HTR2A: variants seen among roughly 807,000 people sequenced by gnomAD.
HTR2A encodes 5-HT2 receptor.
Under a neutral mutation model 31.0 loss-of-function variants are expected in HTR2A, and 14 were observed. The ratio of observed to expected loss-of-function variants is 0.45; its 90% CI spans 0.30 to 0.71. HTR2A has a LOEUF of 0.71. HTR2A is among the 30% of genes least tolerant of loss of function. The pLI, the probability that HTR2A is intolerant of heterozygous loss-of-function variation, is 0.09. For synonymous variants in HTR2A, 209 were observed against 225.2 expected (o/e 0.93, Z 0.64); for missense variants, 442 against 573.3 (o/e 0.77, Z 2.34).
At chr13:46,866,252 A>G (rs1004303586) in intron 3 of HTR2A, among the ~76,000 whole-genome samples, 4 of 152,154 alleles carry the variant, frequency 2.6e-5, no homozygotes, top group African/African-American at 9.7e-5. Flanking sequence ...AGACTCAGTT[A>G]GATTAAGCAA....
At chr13:46,868,546 T>C (rs1002538594) in intron 3 of HTR2A, among the ~76,000 whole-genome samples, 2 of 152,206 alleles carry the variant, frequency 1.3e-5, no homozygotes, top group African/African-American at 4.8e-5. Flanking sequence ...AATTAGGGAA[T>C]TAGCACTCTT....
intron 3 of HTR2A, among the ~76,000 whole-genome samples, chr13:46,855,517 G>C (rs968616778): frequency 1.4e-5 from 2 of 146,624 alleles, no homozygotes; most frequent in South Asian, 2.1e-4. Flanking sequence ...CTCTCAACTG[G>C]GGGGGTACAC....
At chr13:46,866,568 C>A (rs1950819892) in intron 3 of HTR2A, among the ~76,000 whole-genome samples, 1 of 152,226 alleles carries the variant, frequency 6.6e-6, no homozygotes, top group Non-Finnish European at 1.5e-5. Context: ...TTGAAACTTA[C>A]TTTTCTCATT....
chr13:46,863,391 G>C (rs1239268752), intron 3 of HTR2A, among the ~76,000 whole-genome samples: 1 of 152,042 alleles, frequency 6.6e-6, no homozygotes, highest in East Asian at 1.9e-4. Context: ...GGAAGGCTGA[G>C]GTGGAAGGAT....
chr13:46,884,881 A>C (rs1220683464), intron 3 of HTR2A, among the ~76,000 whole-genome samples: 1 of 152,080 alleles, frequency 6.6e-6, no homozygotes, highest in Non-Finnish European at 1.5e-5. Flanking sequence ...GTTTACCAGA[A>C]TGAGCTCACA....
At chr13:46,878,009 C>A (rs1950928946) in intron 3 of HTR2A, among the ~76,000 whole-genome samples, 1 of 152,052 alleles carries the variant, frequency 6.6e-6, no homozygotes, top group South Asian at 2.1e-4. Context: ...AGGTATGGAC[C>A]AGGTCCATAT....
intron 3 of HTR2A, among the ~76,000 whole-genome samples, chr13:46,843,030 C>T (rs1030244016): frequency 1.3e-5 from 2 of 152,218 alleles, no homozygotes; most frequent in African/African-American, 2.4e-5. Context: ...TACTCCACCC[C>T]ACCTGGGATG....
rs1489066440 is a variant in HTR2A, at chr13:46,896,028, C to A, written c.-122G>T. The A allele has an allele frequency of 7.0e-7, 1 of 1,434,602 alleles. No homozygotes were observed. Among genetic ancestry groups the A allele is most frequent in the East Asian group, 2.5e-5 (1 of 40,564 alleles). 88.9% of individuals were successfully genotyped at this position (1,434,602 alleles called of 1,614,324 possible). A position where few individuals can be genotyped will look rare whatever the true frequency, so the allele number is the denominator to read the frequency against. Reference sequence around the variant, plus strand: ...CTGAGGCTGGTGTACATGCTGTTCTCCCGGGGCTGGATTTTTGTCTTCCAT... The same window carrying A: ...CTGAGGCTGGTGTACATGCTGTTCTACCGGGGCTGGATTTTTGTCTTCCAT... On this transcript the variant is annotated 5_prime_UTR_variant, in exon 2 of 4. Coordinates refer to ENST00000542664, the MANE Select transcript of HTR2A (RefSeq NM_000621.5).
intron 3 of HTR2A, among the ~76,000 whole-genome samples, chr13:46,864,004 C>A (rs900251923): frequency 1.3e-5 from 2 of 152,044 alleles, no homozygotes; most frequent in Non-Finnish European, 2.9e-5. Context: ...ATAGCAGAGA[C>A]ATGGAAACAA....
intron 3 of HTR2A, among the ~76,000 whole-genome samples, chr13:46,846,930 C>G (rs987449862): frequency 6.6e-6 from 1 of 152,234 alleles, no homozygotes; most frequent in Admixed American, 6.5e-5. Context: ...TTCAGTCATG[C>G]AAGCCCTGGA....
chr13:46,836,137 A>C (rs997976092), intron 3 of HTR2A, among the ~76,000 whole-genome samples: 3 of 151,896 alleles, frequency 2.0e-5, no homozygotes, highest in Non-Finnish European at 4.4e-5. Context: ...CCATGTGCAC[A>C]CATTTTAAAA....
chr13:46,836,745 C>T (rs1876465125), intron 3 of HTR2A, among the ~76,000 whole-genome samples: 2 of 152,108 alleles, frequency 1.3e-5, no homozygotes, highest in South Asian at 4.1e-4. Flanking sequence ...TCCTAGACAT[C>T]ATGTCATTCA....
At chr13:46,883,789 C>T (rs1950985341) in intron 3 of HTR2A, among the ~76,000 whole-genome samples, 1 of 152,170 alleles carries the variant, frequency 6.6e-6, no homozygotes, top group African/African-American at 2.4e-5. Context: ...TCTCTCTCCA[C>T]CCCGCAGGAT....
chr13:46,859,496 A>G (rs1262296807), intron 3 of HTR2A, among the ~76,000 whole-genome samples: 2 of 152,076 alleles, frequency 1.3e-5, no homozygotes, highest in South Asian at 2.1e-4. Context: ...ATAATCTCCA[A>G]TGTGGAGGTG....
At position 46,896,807 on chromosome 13, in the gene HTR2A, C is replaced by G; in HGVS notation, c.-462G>C. 2 of 1,537,082 alleles carry G rather than the reference C, an allele frequency of 1.3e-6. No homozygotes were observed. Among genetic ancestry groups the G allele is most frequent in the Non-Finnish European group, 1.7e-6 (2 of 1,146,858 alleles). ...GCATAATATGATAGTAATTTGGTTT[C>G]TGTTTTGCTGACTTCAAAAACTGCA... On this transcript the variant is annotated 5_prime_UTR_variant, in exon 1 of 4. Coordinates refer to ENST00000542664, the MANE Select transcript of HTR2A (RefSeq NM_000621.5).
intron 3 of HTR2A, among the ~76,000 whole-genome samples, chr13:46,840,168 G>A (rs1950587193): frequency 6.6e-6 from 1 of 152,092 alleles, no homozygotes; most frequent in South Asian, 2.1e-4. Flanking sequence ...CAAGTTATAA[G>A]AACAAATTTA....
At chr13:46,839,391 T>A (rs975014043) in intron 3 of HTR2A, among the ~76,000 whole-genome samples, 1 of 152,124 alleles carries the variant, frequency 6.6e-6, no homozygotes, top group African/African-American at 2.4e-5. Context: ...TAGATAGGCT[T>A]TGTGGGTACA....
chr13:46,835,615 A>G lies in HTR2A; in HGVS notation c.638T>C (p.Phe213Ser). ...GACCTTCGAATCGTCCTGTAGCCCA[A>G]AGACTGGTATTGGCATGGATATACC... ...SVGISMPIPV[F>S]GLQDDSKVFK... Residue 213 changes from phenylalanine (F) to serine (S), a missense_variant, in exon 4 of 4, where the codon TTT (phenylalanine) becomes TCT (serine). Transcript: ENST00000542664. 1 of 1,613,538 alleles carries G rather than the reference A, an allele frequency of 6.2e-7. No individual in the cohort carries two copies. The highest frequency in any genetic ancestry group is 8.5e-7 in the Non-Finnish European group (1 of 1,179,662).
At chr13:46,841,614 A>C (rs1566300292) in intron 3 of HTR2A, among the ~76,000 whole-genome samples, 1 of 152,130 alleles carries the variant, frequency 6.6e-6, no homozygotes, top group Non-Finnish European at 1.5e-5. Context: ...GGATCTCTGT[A>C]AGCAGTTGTG....
Sources: gnomAD v4.1 joint callset for allele counts (sites outside exome capture counted in the v4.1 genomes callset) on GRCh38, gnomAD v4.1.1 for gene constraint, MANE v1.5 for transcripts, NCBI Gene and HGNC (gene_info 2026-07-23, HGNC 2026-07-21) for gene names.